ZNF69: variants seen among roughly 807,000 people sequenced by gnomAD.
ZNF69 encodes ZNF3.
ZNF69 carries 47 observed loss-of-function variants against 50.9 expected under a neutral mutation model. The ratio of observed to expected loss-of-function variants is 0.92; its 90% CI spans 0.73 to 1.18. ZNF69 has a LOEUF of 1.18. Ranked by LOEUF, ZNF69 falls within the 50% of genes most tolerant of loss-of-function variation. ZNF69 has a pLI of 0.00. For missense variants in ZNF69, 717 were observed against 675.1 expected (o/e 1.06, Z -0.69); for synonymous variants, 216 against 223.1 (o/e 0.97, Z 0.29).
At chr19:11,968,434 G>A in the ZNF69 span, among the ~76,000 whole-genome samples, 2 of 151,946 alleles carry the variant, frequency 1.3e-5, no homozygotes, top group African/African-American at 4.8e-5. Context: ...CAGAGGTGGG[G>A]TCTCGATATG....
intron 1 of ZNF69, among the ~76,000 whole-genome samples, chr19:11,889,079 GC>G (rs1172425156): frequency 3.4e-4 from 52 of 152,214 alleles, no homozygotes; most frequent in Non-Finnish European, 5.3e-4. Flanking sequence ...AGAGTGTGAA[GC>G]TTTGTCTAAA....
chr19:11,949,171 A>C, the ZNF69 span: 1 of 1,612,438 alleles, frequency 6.2e-7, no homozygotes. Context: ...ACATGAAAAA[A>C]CTCACACTGG....
At position 11,905,594 on chromosome 19, in the gene ZNF69, T is replaced by C. The variant is rs766362813; in HGVS notation, c.1197T>C (p.His399=). The change falls in exon 4 of 4, where the codon CAT becomes CAC. Residue 399 remains histidine (H), a synonymous_variant. Transcript: ENST00000429654. ...KCKQCGKAFI[H]SSSLRYHERI... ...AGCAATGTGGTAAAGCCTTCATTCA[T>C]TCCAGTTCCCTTCGTTATCATGAAA... The C allele has an allele frequency of 1.2e-6, 2 of 1,613,980 alleles. No individual in the cohort carries two copies. The highest frequency in any genetic ancestry group is 1.7e-6 in the Non-Finnish European group (2 of 1,180,020).
chr19:11,913,222 C>T (rs1262651436), intron 4 of ZNF69, among the ~76,000 whole-genome samples: 1 of 151,682 alleles, frequency 6.6e-6, no homozygotes, highest in African/African-American at 2.4e-5. Context: ...AATAAAATAT[C>T]CCATTGGTGT....
downstream of ZNF69, among the ~76,000 whole-genome samples, chr19:11,916,814 G>A (rs1972526689): frequency 2.0e-5 from 3 of 151,892 alleles, no homozygotes; most frequent in Admixed American, 2.0e-4. Context: ...ATCATGGGAA[G>A]CTTGTTTCAT....
chr19:11,893,309 G>A (rs374305929), intron 1 of ZNF69, among the ~76,000 whole-genome samples: 1 of 152,128 alleles, frequency 6.6e-6, no homozygotes, highest in East Asian at 1.9e-4. Flanking sequence ...CGGTCTCATT[G>A]TTTTTTATTT....
the ZNF69 span, among the ~76,000 whole-genome samples, chr19:11,971,031 CTTAA>C: frequency 6.6e-6 from 1 of 152,184 alleles, no homozygotes; most frequent in East Asian, 1.9e-4. Context: ...ACCATTTTCT[CTTAA>C]TTAGTGTAGA....
the ZNF69 span, among the ~76,000 whole-genome samples, chr19:11,972,232 C>T: frequency 2.3e-4 from 35 of 151,634 alleles, no homozygotes; most frequent in South Asian, 6.2e-4. Context: ...CTGCAGTGAG[C>T]TATGATTGCA....
At chr19:11,915,015 C>T (rs1396010525), downstream of ZNF69, among the ~76,000 whole-genome samples, 4 of 152,142 alleles carry the variant, frequency 2.6e-5, no homozygotes, top group East Asian at 1.9e-4. Context: ...ACAAGCCTGA[C>T]CAACATGGTG....
At position 11,912,209 on chromosome 19, in the gene ZNF69, A is replaced by C. The variant is rs200485149; in HGVS notation, c.449-1200A>C. Reference sequence around the variant, plus strand: ...GAGAGAAACCCTGTGAATGTAAGAAATGTGGGAAAGCGTTCCATAATTTCT... The same window carrying C: ...GAGAGAAACCCTGTGAATGTAAGAACTGTGGGAAAGCGTTCCATAATTTCT... On this transcript the variant is annotated intron_variant, in intron 4 of 4. Transcript: ENST00000340180. Among the ~76,000 whole-genome samples, 542 of 152,234 alleles carry C rather than the reference A, an allele frequency of 3.6e-3. 2 individuals are homozygous for C. The highest frequency in any genetic ancestry group is 6.4e-3 in the Admixed American group (98 of 15,290).
chr19:11,903,118 C>G (rs911238820), intron 1 of ZNF69, among the ~76,000 whole-genome samples: 3 of 151,738 alleles, frequency 2.0e-5, no homozygotes, highest in Non-Finnish European at 4.4e-5. Context: ...GCCTGGGTAA[C>G]AGAACGAGAC....
downstream of ZNF69, among the ~76,000 whole-genome samples, chr19:11,919,267 C>T (rs551128483): frequency 6.6e-6 from 1 of 152,238 alleles, no homozygotes; most frequent in African/African-American, 2.4e-5. Flanking sequence ...GCTCTGGCAG[C>T]ATTTTCATCC....
At chr19:11,978,920 G>T in the ZNF69 span, 1 of 1,614,116 alleles carries the variant, frequency 6.2e-7, no homozygotes, top group Non-Finnish European at 8.5e-7. Context: ...GACATAAAAG[G>T]AGTCACACGG....
the ZNF69 span, among the ~76,000 whole-genome samples, chr19:11,967,110 GGATCAC>G: frequency 6.6e-6 from 1 of 152,174 alleles, no homozygotes; most frequent in Non-Finnish European, 1.5e-5. Context: ...CAAGGCGGGA[GGATCAC>G]TTGAGGTCAA....
chr19:11,937,397 C>T, the ZNF69 span, among the ~76,000 whole-genome samples: 14 of 152,004 alleles, frequency 9.2e-5, no homozygotes, highest in South Asian at 1.2e-3. Context: ...AGGCTGGTCT[C>T]GAACTGCTGG....
the ZNF69 span, among the ~76,000 whole-genome samples, chr19:11,935,244 T>G: frequency 1.4e-5 from 2 of 141,422 alleles, no homozygotes; most frequent in African/African-American, 2.7e-5. Flanking sequence ...TTTTTTTTTT[T>G]TTTTTTTTTT....
intron 1 of ZNF69, among the ~76,000 whole-genome samples, chr19:11,890,775 AT>A (rs778186625): frequency 5.3e-5 from 8 of 152,102 alleles, no homozygotes; most frequent in Non-Finnish European, 8.8e-5. Context: ...ATAGATTTTT[AT>A]TTTTAGTTTA....
At chr19:11,911,860 A>G (rs1972463253) in intron 4 of ZNF69, among the ~76,000 whole-genome samples, 1 of 152,206 alleles carries the variant, frequency 6.6e-6, no homozygotes. Context: ...GAAAGACCTT[A>G]TAAATGTAAG....
the ZNF69 span, chr19:11,925,392 C>A: frequency 4.7e-6 from 7 of 1,479,580 alleles, no homozygotes; most frequent in Middle Eastern, 2.5e-4. Context: ...GGACCGAGTC[C>A]TCCTTGAGCA....
Sources: allele counts gnomAD v4.1 joint callset (sites outside exome capture counted in the v4.1 genomes callset), GRCh38; gene constraint gnomAD v4.1.1; transcripts MANE v1.5; gene names NCBI Gene and HGNC (gene_info 2026-07-23, HGNC 2026-07-21).